Variants in MAP2 observed in about 807,000 individuals in gnomAD.
MAP2 encodes the protein microtubule associated protein 2, also known as microtubule-associated protein 2.
Under a neutral mutation model 137.6 loss-of-function variants are expected in MAP2, and 14 were observed. The ratio of observed to expected loss-of-function variants is 0.10; its 90% CI spans 0.07 to 0.16. MAP2 has a LOEUF of 0.16. Among genes scored for constraint, MAP2 ranks in the 10% least tolerant of loss-of-function variants. MAP2 has a pLI of 1.00. For synonymous variants in MAP2, 786 were observed against 782.3 expected (o/e 1.00, Z -0.08); for missense variants, 2,088 against 2,191.5 (o/e 0.95, Z 0.94).
intron 13 of MAP2, among the ~76,000 whole-genome samples, chr2:209,717,907 ATCT>A (rs2068395698): frequency 6.6e-6 from 1 of 152,114 alleles, no homozygotes; most frequent in Non-Finnish European, 1.5e-5. Context: ...ATTTCTTCAC[ATCT>A]TCTTAGAGCT....
chr2:209,593,641 ATATATAT>A, intron 3 of MAP2, among the ~76,000 whole-genome samples: 1 of 48,882 alleles, frequency 2.0e-5, no homozygotes, highest in African/African-American at 9.0e-5. Flanking sequence ...AAAAATATAT[ATATATAT>A]ATATATATAT....
At chr2:209,472,051 G>A (rs951389504) in intron 1 of MAP2, among the ~76,000 whole-genome samples, 21 of 152,026 alleles carry the variant, frequency 1.4e-4, no homozygotes, top group Admixed American at 1.4e-3. Context: ...ATGAACAGCT[G>A]ACAATTACAT....
At chr2:209,649,645 G>A (rs1012290302) in intron 4 of MAP2, among the ~76,000 whole-genome samples, 14 of 152,264 alleles carry the variant, frequency 9.2e-5, no homozygotes, top group African/African-American at 3.1e-4. Flanking sequence ...TTTTGTCAGA[G>A]CCATGCTATT....
intron 1 of MAP2, among the ~76,000 whole-genome samples, chr2:209,450,197 C>T (rs1700021353): frequency 6.6e-6 from 1 of 152,194 alleles, no homozygotes; most frequent in African/African-American, 2.4e-5. Flanking sequence ...CTGCCTCGGC[C>T]TCCCAAAGTG....
At chr2:209,592,745 G>T (rs953676004) in intron 3 of MAP2, among the ~76,000 whole-genome samples, 1 of 152,144 alleles carries the variant, frequency 6.6e-6, no homozygotes, top group Non-Finnish European at 1.5e-5. Flanking sequence ...GATGTGTCCA[G>T]ATGAAGGTCT....
At chr2:209,501,770 T>G (rs2060408569) in intron 1 of MAP2, among the ~76,000 whole-genome samples, 1 of 151,894 alleles carries the variant, frequency 6.6e-6, no homozygotes, top group African/African-American at 2.4e-5. Flanking sequence ...ATTTGCTCAA[T>G]AACTGGCTTG....
At chr2:209,434,976 A>G (rs1048306188) in intron 1 of MAP2, among the ~76,000 whole-genome samples, 9 of 146,588 alleles carry the variant, frequency 6.1e-5, no homozygotes, top group Non-Finnish European at 1.3e-4. Flanking sequence ...TCAACAAATA[A>G]TTCAAATATA....
At chr2:209,473,876 T>TATTTTAAAAAA (rs1362718088) in intron 1 of MAP2, among the ~76,000 whole-genome samples, 1 of 152,188 alleles carries the variant, frequency 6.6e-6, no homozygotes, top group Non-Finnish European at 1.5e-5. Context: ...TTACAGCATA[T>TATTTTAAAAAA]ATTTTAAAAA....
chr2:209,537,583 A>G (rs556731939), intron 2 of MAP2, among the ~76,000 whole-genome samples: 1 of 152,314 alleles, frequency 6.6e-6, no homozygotes, highest in South Asian at 2.1e-4. Context: ...TTCTGTACAT[A>G]CACAAGTTTT....
At chr2:209,620,305 G>A (rs982154199) in intron 3 of MAP2, among the ~76,000 whole-genome samples, 4 of 152,188 alleles carry the variant, frequency 2.6e-5, no homozygotes, top group Admixed American at 6.5e-5. Flanking sequence ...ATAGCCTGGA[G>A]CTTCTGGGTT....
intron 2 of MAP2, among the ~76,000 whole-genome samples, chr2:209,575,393 T>A (rs532750045): frequency 1.3e-5 from 2 of 151,004 alleles, no homozygotes; most frequent in Admixed American, 1.3e-4. Context: ...TGATGGCGGG[T>A]GCCTGTAGTC....
Position 209,435,998 on chromosome 2 carries a change from T to TTATATATA in MAP2, c.-222+11722_-222+11723insTATATATA, listed in dbSNP as rs1559159517. Among the ~76,000 whole-genome samples, 2 of 88,802 alleles carry TTATATATA rather than the reference T, an allele frequency of 2.3e-5. 1 individual carries two copies. The highest frequency in any genetic ancestry group is 1.3e-4 in the African/African-American group (2 of 15,940). 58.3% of individuals were successfully genotyped at this position (88,802 alleles called of 152,430 possible). ...AATATATACAGTATATATTATATACTATATATACAGTATATATTATATATA... is the reference window on the plus strand; with the variant it reads ...AATATATACAGTATATATTATATACTTATATATAATATATACAGTATATATTATATATA... On this transcript the variant is annotated intron_variant, in intron 1 of 15. Transcript: ENST00000682079.
intron 5 of MAP2, among the ~76,000 whole-genome samples, chr2:209,658,567 C>T (rs927019848): frequency 6.6e-6 from 1 of 151,814 alleles, no homozygotes; most frequent in African/African-American, 2.4e-5. Flanking sequence ...AGTGCAATGG[C>T]ACGATCTTGG....
intron 1 of MAP2, among the ~76,000 whole-genome samples, chr2:209,436,219 A>G (rs1056356101): frequency 1.3e-5 from 2 of 151,132 alleles, no homozygotes; most frequent in Admixed American, 6.7e-5. Flanking sequence ...GAAGATTACA[A>G]ACACATTCTT....
chr2:209,425,781 T>C (rs1692399004), intron 1 of MAP2, among the ~76,000 whole-genome samples: 2 of 152,212 alleles, frequency 1.3e-5, no homozygotes, highest in African/African-American at 4.8e-5. Context: ...ATTATGATTT[T>C]TTTTGGCAGT....
chr2:209,448,102 A>G (rs577506125), intron 1 of MAP2, among the ~76,000 whole-genome samples: 18 of 152,248 alleles, frequency 1.2e-4, no homozygotes, highest in African/African-American at 4.3e-4. Flanking sequence ...TGTAATATAC[A>G]ACAAGTAGAA....
intron 5 of MAP2, among the ~76,000 whole-genome samples, chr2:209,664,221 T>C (rs2045128283): frequency 6.6e-6 from 1 of 152,240 alleles, no homozygotes; most frequent in South Asian, 2.1e-4. Context: ...TTTTCTATAA[T>C]ATGTATGTGC....
At chr2:209,568,730 A>G (rs1339628726) in intron 2 of MAP2, among the ~76,000 whole-genome samples, 1 of 151,862 alleles carries the variant, frequency 6.6e-6, no homozygotes, top group African/African-American at 2.4e-5. Flanking sequence ...TGAAATTGTA[A>G]TGGCCCCACT....
chr2:209,590,432 T>G, intron 3 of MAP2, among the ~76,000 whole-genome samples: 1 of 152,124 alleles, frequency 6.6e-6, no homozygotes, highest in East Asian at 1.9e-4. Context: ...GCCTCCCGGA[T>G]TCAAGTGATT....
Sources: gnomAD v4.1 joint callset for allele counts (sites outside exome capture counted in the v4.1 genomes callset) on GRCh38, gnomAD v4.1.1 for gene constraint, MANE v1.5 for transcripts, NCBI Gene and HGNC (gene_info 2026-07-23, HGNC 2026-07-21) for gene names.